The following GPSM1 variants were observed in gnomAD, a reference collection of about 807,000 sequenced individuals.
GPSM1 encodes the protein G protein-signaling modulator 1.
Under a neutral mutation model 70.5 loss-of-function variants are expected in GPSM1, and 48 were observed. The observed-to-expected ratio is 0.68, with a 90% confidence interval of 0.54 to 0.87. The LOEUF is 0.87. Among genes scored for constraint, GPSM1 ranks in the 40% least tolerant of loss-of-function variants. GPSM1 has a pLI of 0.00. For missense variants in GPSM1, 981 were observed against 972.6 expected, an observed-to-expected ratio of 1.01 and a Z score of -0.11; for synonymous variants, 416 against 430.1, an observed-to-expected ratio of 0.97 and a Z score of 0.41.
intron 13 of GPSM1, among the ~76,000 whole-genome samples, 180 bp downstream of exon 13, chr9:136,356,730 C>T (rs1832840455): frequency 1.3e-5 from 2 of 152,142 alleles, no homozygotes; most frequent in South Asian, 4.1e-4. Context: ...GAGCCTGAAG[C>T]CCTACTCCTG....
At chr9:136,344,458 C>T (rs1554770900) in intron 9 of GPSM1, among the ~76,000 whole-genome samples, 1 of 152,220 alleles carries the variant, frequency 6.6e-6, no homozygotes, top group African/African-American at 2.4e-5. Context: ...TCCGGGCTGG[C>T]AGACGGCGCT....
At chr9:136,334,335 G>A in intron 1 of GPSM1, 112 bp from the exon 2 acceptor site, 1 of 707,754 alleles carries the variant, frequency 1.4e-6, no homozygotes, top group South Asian at 1.7e-5. Flanking sequence ...CACAGATGTG[G>A]TGTGTGCCCT....
intron 1 of GPSM1, among the ~76,000 whole-genome samples, chr9:136,330,166 G>A (rs1832069217): frequency 6.6e-6 from 1 of 152,138 alleles, no homozygotes; most frequent in Non-Finnish European, 1.5e-5. Flanking sequence ...GTCGTCTCCT[G>A]GCCTCCCACC....
chr9:136,338,885 C>G (rs1233128389), intron 7 of GPSM1, among the ~76,000 whole-genome samples, 175 bp downstream of exon 7: 1 of 152,218 alleles, frequency 6.6e-6, no homozygotes, highest in Non-Finnish European at 1.5e-5. Context: ...TTGGGCCGGC[C>G]ACTGACCCCT....
chr9:136,345,654 T>C (rs28419143), intron 9 of GPSM1, among the ~76,000 whole-genome samples: 67,903 of 151,994 alleles, frequency 0.45, 15,282 homozygotes, highest in African/African-American at 0.5. Flanking sequence ...TAGGCCCCCA[T>C]GGCACTGGGG....
rs1376629821 is a variant in GPSM1 at position 136,359,555 on chromosome 9, A to G, written c.*1335A>G. On this transcript the variant is annotated 3_prime_UTR_variant, in exon 14 of 14. Transcript: ENST00000440944. ...ATGGGTCCTTTCCAACCCAAGAGGT[A>G]CATTTGTTTTTCTGTTTTTCCTGAA... The G allele has an allele frequency of 6.6e-6, 1 of 152,370 alleles. No homozygotes were observed. The highest frequency in any genetic ancestry group is 1.5e-5 in the Non-Finnish European group (1 of 68,038). The allele number at this position is 152,370 out of a possible 1,614,324, so 9.4% of individuals were successfully genotyped here. A position where few individuals can be genotyped will look rare whatever the true frequency, so the allele number is the denominator to read the frequency against.
chr9:136,347,137 C>T (rs910512010), intron 9 of GPSM1, among the ~76,000 whole-genome samples: 30 of 152,146 alleles, frequency 2.0e-4, no homozygotes, highest in Non-Finnish European at 3.5e-4. Context: ...AGCTGAGCCT[C>T]TCGGGGGGAT....
intron 12 of GPSM1, 100 bp downstream of exon 12, chr9:136,355,946 C>A: frequency 4.2e-6 from 4 of 952,734 alleles, no homozygotes; most frequent in Non-Finnish European, 6.2e-6. Context: ...CGGGGGCAGA[C>A]CAGCAGGCCA....
intron 1 of GPSM1, among the ~76,000 whole-genome samples, 173 bp from the exon 2 acceptor site, chr9:136,334,274 C>A (rs1407441951): frequency 6.6e-6 from 1 of 152,228 alleles, no homozygotes; most frequent in African/African-American, 2.4e-5. Flanking sequence ...GCCCTTGGGC[C>A]GCACACGTGC....
At chr9:136,347,584 C>T (rs1294545983) in intron 9 of GPSM1, among the ~76,000 whole-genome samples, 4 of 152,214 alleles carry the variant, frequency 2.6e-5, no homozygotes, top group Non-Finnish European at 4.4e-5. Context: ...TTCTGCTGCC[C>T]TTTCCACAGT....
In GPSM1 at chr9:136,340,845, C is replaced by T. The variant is rs201025378; in HGVS notation, c.1084-25C>T. The T allele has an allele frequency of 2.0e-5, 31 of 1,546,502 alleles. No individual in the cohort carries two copies. In the East Asian group the frequency reaches 4.3e-4, roughly 22 times the overall value. On this transcript the variant is annotated intron_variant, in intron 8 of 13. Transcript: ENST00000440944. This position sits in a 1 kb window ranked among gnomAD's most constrained non-coding sequence, Gnocchi z 7.3. ...AGCAGGGCCCCCAGCCACACCTGCCCGCTCCGCCACCCCACTCGCCGCAGA... is the reference window on the plus strand; with the variant it reads ...AGCAGGGCCCCCAGCCACACCTGCCTGCTCCGCCACCCCACTCGCCGCAGA...
At chr9:136,328,005 G>A (rs886829504) in intron 1 of GPSM1, among the ~76,000 whole-genome samples, 19 of 151,954 alleles carry the variant, frequency 1.3e-4, no homozygotes, top group Non-Finnish European at 2.7e-4. Flanking sequence ...TGGAGGCGGG[G>A]TGGGCAGCTT....
chr9:136,342,229 C>A lies in GPSM1; in HGVS notation c.1207+1236C>A, dbSNP rs1216908285. ...GCTCTGCCGAGAGCTCCTGCGGCAC[C>A]CCTAGTACCCTCCTGTGTCCCTGGC... On this transcript the variant is annotated intron_variant, in intron 9 of 13. Coordinates refer to ENST00000440944, the MANE Select transcript of GPSM1 (RefSeq NM_001145638.3). This position sits in a 1 kb window ranked among gnomAD's most constrained non-coding sequence, Gnocchi z 5.5. 3.3e-5 allele frequency among the ~76,000 whole-genome samples: 5 copies of A among 152,110 alleles called. No individual in the cohort carries two copies. The highest frequency in any genetic ancestry group is 2.9e-5 in the Non-Finnish European group (2 of 68,016).
chr9:136,338,004 GGGGCT>G, intron 6 of GPSM1, 43 bp downstream of exon 6: 1 of 1,301,170 alleles, frequency 7.7e-7, no homozygotes, highest in Non-Finnish European at 1.1e-6. Flanking sequence ...GCAGGCCGGG[GGGGCT>G]GGATGCCAGG....
intron 1 of GPSM1, among the ~76,000 whole-genome samples, chr9:136,329,642 C>G (rs1229121596): frequency 6.6e-6 from 1 of 152,170 alleles, no homozygotes; most frequent in Non-Finnish European, 1.5e-5. Context: ...TCTCCTCTGC[C>G]CCGTCTACTG....
rs1832357264 is a variant in GPSM1 at position 136,340,386 on chromosome 9, AGTGC to A, written c.1084-483_1084-480del. Reference sequence around the variant, plus strand: ...AGCAGGCAGCCCCCGTGTCCCTCTGAGTGCAGGCTACAGCCTCCAGGGCCTTCCA... The same window carrying A: ...AGCAGGCAGCCCCCGTGTCCCTCTGAAGGCTACAGCCTCCAGGGCCTTCCA... On this transcript the variant is annotated intron_variant, in intron 8 of 13. Transcript: ENST00000440944. This position sits in a 1 kb window ranked among gnomAD's most constrained non-coding sequence, Gnocchi z 7.3. 6.6e-6 allele frequency among the ~76,000 whole-genome samples: 1 copy of A among 151,878 alleles called. No individual in the cohort carries two copies. Among genetic ancestry groups the A allele is most frequent in the Non-Finnish European group, 1.5e-5 (1 of 67,952 alleles).
chr9:136,331,715 C>T (rs1348804818), intron 1 of GPSM1, among the ~76,000 whole-genome samples: 4 of 152,304 alleles, frequency 2.6e-5, no homozygotes, highest in South Asian at 4.1e-4. Context: ...AGGGCAATGC[C>T]GCTGGTCCCA....
In GPSM1 at chr9:136,342,123, G is replaced by C. The variant is rs1832406075; in HGVS notation, c.1207+1130G>C. On this transcript the variant is annotated intron_variant, in intron 9 of 13. Transcript: ENST00000440944. This position sits in a 1 kb window ranked among gnomAD's most constrained non-coding sequence, Gnocchi z 5.5. ...GTGCTGTGACCGATGGCAGTGGGTG[G>C]GTAGGGGATGGGCTGGAATGTGCCC... 3.3e-5 allele frequency among the ~76,000 whole-genome samples: 5 copies of C among 151,862 alleles called. No individual in the cohort carries two copies. The South Asian group carries it at 1.0e-3, about 32-fold the overall frequency.
At chr9:136,347,914 C>G (rs1320119459) in intron 9 of GPSM1, among the ~76,000 whole-genome samples, 3 of 152,134 alleles carry the variant, frequency 2.0e-5, no homozygotes, top group African/African-American at 7.2e-5. Context: ...TGGGACAGGG[C>G]TGAGTGACAC....
Sources: gnomAD v4.1 joint callset for allele counts (sites outside exome capture counted in the v4.1 genomes callset) on GRCh38, gnomAD v4.1.1 for gene constraint, Gnocchi (gnomAD v3.1) non-coding constraint, MANE v1.5 for transcripts, NCBI Gene and HGNC (gene_info 2026-07-23, HGNC 2026-07-21) for gene names.